The following ATRN variants were observed in gnomAD, a reference collection of about 807,000 sequenced individuals.
The protein encoded by ATRN is attractin-2.
A neutral mutation model predicts 178.7 loss-of-function variants in ATRN; 54 were observed. The observed-to-expected ratio is 0.30, with a 90% CI of 0.24 to 0.38. The LOEUF (loss-of-function observed/expected upper bound fraction) is 0.38. ATRN is among the 10% of genes least tolerant of loss of function. ATRN has a pLI of 1.00. For missense variants in ATRN, 1,443 were observed against 1,815.1 expected, an observed-to-expected ratio of 0.79 and a Z score of 3.73; for synonymous variants, 636 against 663.0, an observed-to-expected ratio of 0.96 and a Z score of 0.63.
At chr20:3,570,063 T>C (rs1264916911) in intron 11 of ATRN, among the ~76,000 whole-genome samples, 1 of 149,578 alleles carries the variant, frequency 6.7e-6, no homozygotes, top group Non-Finnish European at 1.5e-5. Flanking sequence ...GGAGCAAGAC[T>C]CTAACTCAAA....
chr20:3,552,351 C>A (rs913284253), intron 6 of ATRN, among the ~76,000 whole-genome samples: 3 of 152,196 alleles, frequency 2.0e-5, no homozygotes, highest in African/African-American at 7.2e-5. Context: ...GACATCTCAA[C>A]CTTCTGGCTG....
chr20:3,553,955 T>C (rs2085825088), intron 6 of ATRN, among the ~76,000 whole-genome samples: 1 of 152,220 alleles, frequency 6.6e-6, no homozygotes, highest in African/African-American at 2.4e-5. Flanking sequence ...TTTGCCAAGT[T>C]CTTCAAGGTT....
intron 18 of ATRN, among the ~76,000 whole-genome samples, chr20:3,588,094 T>C (rs1194106752): frequency 1.3e-5 from 2 of 152,154 alleles, no homozygotes; most frequent in African/African-American, 4.8e-5. Flanking sequence ...GCAATCCTCC[T>C]GCCTCTGCCT....
intron 1 of ATRN, among the ~76,000 whole-genome samples, chr20:3,510,138 A>G (rs2085104955): frequency 6.6e-6 from 1 of 152,168 alleles, no homozygotes. Context: ...ACAATGCTTT[A>G]ATCTACTGTT....
chr20:3,528,579 C>T (rs1185185928), intron 1 of ATRN, among the ~76,000 whole-genome samples: 1 of 151,908 alleles, frequency 6.6e-6, no homozygotes, highest in East Asian at 1.9e-4. Context: ...GACACCGGGA[C>T]CTGCTTGAGG....
intron 24 of ATRN, among the ~76,000 whole-genome samples, chr20:3,606,623 C>T (rs1807332297): frequency 6.6e-6 from 1 of 152,220 alleles, no homozygotes; most frequent in African/African-American, 2.4e-5. Flanking sequence ...TCTCTGTAAA[C>T]AGCACCACCA....
chr20:3,554,353 T>A (rs895167914), intron 6 of ATRN, among the ~76,000 whole-genome samples: 1 of 73,400 alleles, frequency 1.4e-5, no homozygotes, highest in Non-Finnish European at 2.7e-5. Flanking sequence ...TTATTTATTT[T>A]GAAATGGAGT....
intron 1 of ATRN, among the ~76,000 whole-genome samples, chr20:3,496,092 CA>C (rs928758815): frequency 3.9e-5 from 6 of 152,058 alleles, no homozygotes; most frequent in African/African-American, 1.4e-4. Context: ...TGCATCCTTT[CA>C]AAAAACCAGC....
intron 1 of ATRN, among the ~76,000 whole-genome samples, chr20:3,487,866 T>A (rs1395810438): frequency 6.6e-6 from 1 of 152,226 alleles, no homozygotes; most frequent in East Asian, 1.9e-4. Context: ...GCTTTCTTGT[T>A]GCTTTTCTGT....
chr20:3,547,552 A>G (rs1568721831), intron 5 of ATRN, 63 bp downstream of exon 5: 1 of 1,308,124 alleles, frequency 7.6e-7, no homozygotes, highest in Non-Finnish European at 1.1e-6. Context: ...TAAATAAATT[A>G]TAGATTGACT....
chr20:3,611,708 C>T (rs1360878239), intron 24 of ATRN, among the ~76,000 whole-genome samples: 1 of 152,226 alleles, frequency 6.6e-6, no homozygotes, highest in Non-Finnish European at 1.5e-5. Flanking sequence ...TGCTACTGCA[C>T]TCCAGCCTGG....
Position 3,591,318 on chromosome 20 carries a change from T to G in ATRN, c.3322+12T>G. 1 of 1,613,014 alleles carries G rather than the reference T, an allele frequency of 6.2e-7. No homozygotes were observed. On this transcript the variant is annotated intron_variant, in intron 19 of 28. Coordinates refer to ENST00000262919, the MANE Select transcript of ATRN (RefSeq NM_139321.3). ...AGGGAAATGTCAGCGTAAGTCAAATTGGTCAGGTTTACTCATGGCAAATCG... is the reference window on the plus strand; with the variant it reads ...AGGGAAATGTCAGCGTAAGTCAAATGGGTCAGGTTTACTCATGGCAAATCG...
chr20:3,501,096 A>G (rs1034133699), intron 1 of ATRN, among the ~76,000 whole-genome samples: 1 of 152,200 alleles, frequency 6.6e-6, no homozygotes, highest in Non-Finnish European at 1.5e-5. Flanking sequence ...GTTTTTAGTA[A>G]TCGTATAACT....
At chr20:3,539,688 A>C (rs1360528642) in intron 2 of ATRN, among the ~76,000 whole-genome samples, 2 of 151,916 alleles carry the variant, frequency 1.3e-5, no homozygotes, top group Admixed American at 6.6e-5. Context: ...CAGTCTACCC[A>C]GTGGTGTGGT....
At position 3,471,505 on chromosome 20, in the gene ATRN, G is replaced by A. The variant is rs868242044; in HGVS notation, c.398G>A (p.Gly133Glu). ...GWVGEQCQHCGGRFRLTGSSG... is the reference protein window; with the variant it reads ...GWVGEQCQHCEGRFRLTGSSG... Reference sequence around the variant, plus strand: ...GTGGGCGAGCAATGCCAGCACTGCGGGGGCCGCTTCAGGTGAGTGGCGGGT... The same window carrying A: ...GTGGGCGAGCAATGCCAGCACTGCGAGGGCCGCTTCAGGTGAGTGGCGGGT... Residue 133 changes from glycine to glutamate, a missense_variant, in exon 1 of 29, where the codon GGG becomes GAG. Physicochemically the swap from Gly to Glu is moderately conservative, Grantham distance 98. This residue lies in a region of ATRN where 862 missense variants were observed against 972.1 expected (regional missense o/e 0.89). Coordinates refer to ENST00000262919, the MANE Select transcript of ATRN (RefSeq NM_139321.3). The A allele has an allele frequency of 1.4e-6, 2 of 1,404,928 alleles. No homozygotes were observed. Among genetic ancestry groups the A allele is most frequent in the African/African-American group, 1.5e-5 (1 of 66,998 alleles). 87.0% of individuals were successfully genotyped at this position (1,404,928 alleles called of 1,614,324 possible).
chr20:3,486,579 A>G (rs1313928242), intron 1 of ATRN, among the ~76,000 whole-genome samples: 1 of 151,734 alleles, frequency 6.6e-6, no homozygotes, highest in African/African-American at 2.4e-5. Flanking sequence ...TTTTTAGTAG[A>G]TATGGGGTTT....
At chr20:3,590,765 A>G (rs927156853) in intron 18 of ATRN, among the ~76,000 whole-genome samples, 5 of 152,188 alleles carry the variant, frequency 3.3e-5, no homozygotes, top group Non-Finnish European at 1.5e-5. Context: ...TATGAACATA[A>G]TTGTGCAAAT....
At chr20:3,547,639 C>A in intron 5 of ATRN, 150 bp downstream of exon 5, 1 of 741,644 alleles carries the variant, frequency 1.3e-6, no homozygotes, top group Non-Finnish European at 2.1e-6. Context: ...CTCTATCTAG[C>A]TGCTTATGAA....
intron 11 of ATRN, among the ~76,000 whole-genome samples, chr20:3,567,224 A>G (rs2146232942): frequency 6.6e-6 from 1 of 152,210 alleles, no homozygotes; most frequent in Middle Eastern, 3.4e-3. Flanking sequence ...ACGCAGTGGG[A>G]CCATTTTGTC....
Sources: gnomAD v4.1 joint callset for allele counts (sites outside exome capture counted in the v4.1 genomes callset) on GRCh38, gnomAD v4.1.1 for gene constraint, gnomAD v4.1.1 regional missense constraint, MANE v1.5 for transcripts, NCBI Gene and HGNC (gene_info 2026-07-23, HGNC 2026-07-21) for gene names.